NLGN1: variants seen among roughly 807,000 people sequenced by gnomAD.
NLGN1 encodes the protein neuroligin 1, also known as neuroligin-1.
NLGN1 carries 12 observed loss-of-function variants against 65.5 expected under a neutral mutation model. That is an observed-to-expected ratio of 0.18 (90% CI 0.12 to 0.30). NLGN1 has a LOEUF of 0.30. Among genes scored for constraint, NLGN1 ranks in the 10% least tolerant of loss-of-function variants. The probability of loss-of-function intolerance (pLI) is 1.00; values close to 1 mark genes in which losing one functional copy is unlikely to be tolerated. For missense variants in NLGN1, 750 were observed against 1,007.1 expected, an observed-to-expected ratio of 0.74 and a Z score of 3.46; for synonymous variants, 350 against 359.5, an observed-to-expected ratio of 0.97 and a Z score of 0.30.
intron 2 of NLGN1, among the ~76,000 whole-genome samples, chr3:173,507,460 G>T (rs542136578): frequency 3.6e-4 from 55 of 152,094 alleles, no homozygotes; most frequent in Non-Finnish European, 6.2e-4. Flanking sequence ...CCCAATAGGA[G>T]AAAATATATT....
rs1726087584 is a variant in NLGN1 at position 174,014,164 on chromosome 3, A to ACCCAAGC, written c.646+206343_646+206349dup. Among the ~76,000 whole-genome samples, 4 of 152,166 alleles carry ACCCAAGC rather than the reference A, an allele frequency of 2.6e-5. No individual in the cohort carries two copies. In the South Asian group the frequency reaches 6.2e-4, roughly 24 times the overall value. ...ACAGAGGTTCTCAAAATTGAAAATA[A>ACCCAAGC]CCCAAGCCCCAAGCCCCGTGAAACA... On this transcript the variant is annotated intron_variant, in intron 4 of 6. Transcript: ENST00000457714.
intron 3 of NLGN1, among the ~76,000 whole-genome samples, chr3:173,611,492 A>G (rs529339855): frequency 7.9e-5 from 12 of 152,216 alleles, no homozygotes; most frequent in Admixed American, 2.6e-4. Context: ...CCAATTTGCT[A>G]GTAGAAAAAT....
chr3:173,581,627 A>G (rs997997655), intron 2 of NLGN1, among the ~76,000 whole-genome samples: 4 of 151,968 alleles, frequency 2.6e-5, no homozygotes, highest in Non-Finnish European at 5.9e-5. Flanking sequence ...TTCTAATATC[A>G]ATTATAGAAG....
intron 2 of NLGN1, among the ~76,000 whole-genome samples, chr3:173,577,307 T>A (rs6771816): frequency 0.55 from 83,166 of 152,034 alleles, 23,227 homozygotes; most frequent in East Asian, 0.84. Context: ...CTTTCTGTTA[T>A]CACATAAACC....
intron 2 of NLGN1, among the ~76,000 whole-genome samples, chr3:173,441,432 T>C (rs1335379527): frequency 1.3e-5 from 2 of 152,168 alleles, no homozygotes; most frequent in Admixed American, 6.5e-5. Flanking sequence ...CTAGTTTTGA[T>C]TGAAGGTGAG....
chr3:174,124,850 C>T (rs1396679260), intron 4 of NLGN1, among the ~76,000 whole-genome samples: 3 of 151,876 alleles, frequency 2.0e-5, no homozygotes, highest in African/African-American at 4.8e-5. Context: ...AAATTTAGCA[C>T]GGAGGTTCCT....
intron 4 of NLGN1, among the ~76,000 whole-genome samples, chr3:174,160,674 A>G (rs1319820008): frequency 1.3e-5 from 2 of 150,466 alleles, no homozygotes; most frequent in African/African-American, 4.9e-5. Context: ...ATATATAGGA[A>G]TATATATTAT....
intron 4 of NLGN1, among the ~76,000 whole-genome samples, chr3:173,848,647 G>C (rs372273844): frequency 2.0e-5 from 3 of 152,178 alleles, no homozygotes; most frequent in Non-Finnish European, 4.4e-5. Context: ...AACATTTGAA[G>C]TAAGTAATAG....
At position 173,939,390 on chromosome 3, in the gene NLGN1, G is replaced by C. The variant is rs776914491; in HGVS notation, c.646+131558G>C. On this transcript the variant is annotated intron_variant, in intron 4 of 6. Transcript: ENST00000457714. The stretch of plus-strand genomic sequence containing the variant: ...TTCCATGTCCTATTGCATTTATCTC[G>C]TGGGTTAAAATCATTCATTGATCGC... Among the ~76,000 whole-genome samples, 4 of 152,182 alleles carry C rather than the reference G, an allele frequency of 2.6e-5. No individual in the cohort carries two copies. The South Asian group carries it at 8.3e-4, about 32-fold the overall frequency.
At chr3:173,930,956 C>CTT (rs1010290018) in intron 4 of NLGN1, among the ~76,000 whole-genome samples, 35 of 152,250 alleles carry the variant, frequency 2.3e-4, no homozygotes, top group African/African-American at 8.2e-4. Flanking sequence ...CACTCACAGT[C>CTT]TTTTTAAGAA....
rs1488561 is a variant in NLGN1 at position 173,733,485 on chromosome 3, G to T, written c.494-74195G>T. Among the ~76,000 whole-genome samples, 250 of 152,030 alleles carry T rather than the reference G, an allele frequency of 1.6e-3. 1 individual carries two copies. Among genetic ancestry groups the T allele is most frequent in the African/African-American group, 5.9e-3 (246 of 41,416 alleles). On this transcript the variant is annotated intron_variant, in intron 3 of 6. Coordinates refer to ENST00000457714, the Ensembl canonical transcript of NLGN1. The stretch of plus-strand genomic sequence containing the variant: ...CTTTCAGCAGCTGTACTGTCAGGGA[G>T]GAAGGATACACTCTTTTCTCCACAA...
At chr3:173,488,686 T>C (rs2148997728) in intron 2 of NLGN1, among the ~76,000 whole-genome samples, 1 of 152,220 alleles carries the variant, frequency 6.6e-6, no homozygotes, top group African/African-American at 2.4e-5. Flanking sequence ...TTATCCCTGG[T>C]GTCTTTTTTC....
At chr3:173,664,040 G>A (rs1761348139) in intron 3 of NLGN1, among the ~76,000 whole-genome samples, 1 of 151,800 alleles carries the variant, frequency 6.6e-6, no homozygotes, top group Non-Finnish European at 1.5e-5. Flanking sequence ...TTTATTCTGG[G>A]CCTTTCAGCA....
At chr3:174,113,344 T>C (rs1229544436) in intron 4 of NLGN1, among the ~76,000 whole-genome samples, 1 of 152,002 alleles carries the variant, frequency 6.6e-6, no homozygotes, top group African/African-American at 2.4e-5. Flanking sequence ...CTCTAAATGT[T>C]TCTAAGGAAG....
At chr3:173,472,450 A>T (rs1018751615) in intron 2 of NLGN1, among the ~76,000 whole-genome samples, 5 of 152,146 alleles carry the variant, frequency 3.3e-5, no homozygotes, top group African/African-American at 9.7e-5. Flanking sequence ...CTTAGAAAGT[A>T]TATTTCAGGA....
At chr3:174,086,280 CATAA>C (rs1465818584) in intron 4 of NLGN1, among the ~76,000 whole-genome samples, 4 of 134,904 alleles carry the variant, frequency 3.0e-5, no homozygotes, top group South Asian at 2.5e-4. Flanking sequence ...TATGTATGTG[CATAA>C]ATATATATAT....
intron 2 of NLGN1, among the ~76,000 whole-genome samples, chr3:173,535,671 T>C (rs1737317547): frequency 6.6e-6 from 1 of 152,222 alleles, no homozygotes; most frequent in Non-Finnish European, 1.5e-5. Context: ...GACTCACTTT[T>C]GATGAACAAG....
At chr3:173,875,651 A>G (rs1731979115) in intron 4 of NLGN1, among the ~76,000 whole-genome samples, 1 of 152,188 alleles carries the variant, frequency 6.6e-6, no homozygotes, top group Non-Finnish European at 1.5e-5. Context: ...AAATATTATG[A>G]TTTTAAACCT....
rs1747486678 is a variant in NLGN1 at position 173,947,882 on chromosome 3, G to A, written c.646+140050G>A. Reference sequence around the variant, plus strand: ...TATCTAGTCAATTGGAGTAATAGAGGGACTTTATTTGATAATTAAAAAATA... The same window carrying A: ...TATCTAGTCAATTGGAGTAATAGAGAGACTTTATTTGATAATTAAAAAATA... On this transcript the variant is annotated intron_variant, in intron 4 of 6. Coordinates refer to ENST00000457714, the Ensembl canonical transcript of NLGN1. Among the ~76,000 whole-genome samples the A allele has an allele frequency of 2.0e-5, 3 of 152,118 alleles. No individual in the cohort carries two copies. In the South Asian group the frequency reaches 6.2e-4, roughly 32 times the overall value.
Sources: gnomAD v4.1 joint callset for allele counts (sites outside exome capture counted in the v4.1 genomes callset) on GRCh38, gnomAD v4.1.1 for gene constraint, MANE v1.5 for transcripts, NCBI Gene and HGNC (gene_info 2026-07-23, HGNC 2026-07-21) for gene names.